CSMD1: variants seen among roughly 807,000 people sequenced by gnomAD.
The protein encoded by CSMD1 is CUB and sushi domain-containing protein 1.
In CSMD1, 213 loss-of-function variants were observed where a neutral mutation model predicts 417.5. That is an observed-to-expected ratio of 0.51 (90% CI 0.46 to 0.57). The LOEUF is 0.57. CSMD1 is among the 20% of genes least tolerant of loss of function. The pLI is 0.00. For missense variants in CSMD1, 6,923 were observed against 4,529.7 expected (o/e 1.53, Z -15.17); for synonymous variants, 2,862 against 1,736.8 (o/e 1.65, Z -16.11).
Position 3,280,367 on chromosome 8 carries a change from C to T in CSMD1, c.4153+3777G>A, listed in dbSNP as rs560174257. Among the ~76,000 whole-genome samples, 3 of 152,252 alleles carry T rather than the reference C, an allele frequency of 2.0e-5. No homozygotes were observed. The East Asian group carries it at 5.8e-4, about 29-fold the overall frequency. On this transcript the variant is annotated intron_variant, in intron 26 of 69. Transcript: ENST00000635120. ...AGGTCAGTCTCAAAGCATTAGAGGT[C>T]AAGATAGAAACTCACATTTCCAGAG...
In CSMD1 at chr8:3,713,996, A is replaced by C. The variant is rs1196647876; in HGVS notation, c.932-5505T>G. Among the ~76,000 whole-genome samples, 6 of 151,830 alleles carry C rather than the reference A, an allele frequency of 4.0e-5. No homozygotes were observed. The East Asian group carries it at 1.2e-3, about 30-fold the overall frequency. On this transcript the variant is annotated intron_variant, in intron 6 of 69. Coordinates refer to ENST00000635120, the MANE Select transcript of CSMD1 (RefSeq NM_033225.6). ...TAGCAATAATATTGAAATCTTTGTA[A>C]ATCCTTAGAATTGCAAGGGCTCACT...
At chr8:4,435,573 C>T (rs1239523460) in intron 2 of CSMD1, among the ~76,000 whole-genome samples, 2 of 152,188 alleles carry the variant, frequency 1.3e-5, no homozygotes, top group East Asian at 1.9e-4. Flanking sequence ...TGTCATGCTC[C>T]CTTCCAGGAA....
intron 1 of CSMD1, among the ~76,000 whole-genome samples, chr8:4,979,690 A>T (rs1290634843): frequency 6.6e-6 from 1 of 152,230 alleles, no homozygotes; most frequent in African/African-American, 2.4e-5. Flanking sequence ...GTTCTTCAGA[A>T]TTAAATATTC....
At chr8:4,503,611 G>C (rs1242414266) in intron 2 of CSMD1, among the ~76,000 whole-genome samples, 1 of 152,142 alleles carries the variant, frequency 6.6e-6, no homozygotes, top group African/African-American at 2.4e-5. Context: ...GACCCAGCCA[G>C]CTTGAGTAAT....
chr8:3,626,279 T>A (rs1049202473), intron 7 of CSMD1, among the ~76,000 whole-genome samples: 7 of 152,148 alleles, frequency 4.6e-5, no homozygotes, highest in African/African-American at 1.7e-4. Flanking sequence ...TTCTGCACAT[T>A]TAAGAACTCT....
At chr8:3,534,147 C>G (rs1318681782) in intron 10 of CSMD1, among the ~76,000 whole-genome samples, 2 of 152,174 alleles carry the variant, frequency 1.3e-5, no homozygotes, top group African/African-American at 2.4e-5. Context: ...TGTGAAATAA[C>G]AAATACCCTT....
At chr8:4,297,360 TA>T (rs2128871120) in intron 3 of CSMD1, among the ~76,000 whole-genome samples, 1 of 152,048 alleles carries the variant, frequency 6.6e-6, no homozygotes, top group South Asian at 2.1e-4. Flanking sequence ...AAACAAAAGA[TA>T]AAAGATGCAG....
At chr8:3,197,040 T>G (rs1385956497) in intron 33 of CSMD1, among the ~76,000 whole-genome samples, 1 of 152,088 alleles carries the variant, frequency 6.6e-6, no homozygotes, top group Admixed American at 6.5e-5. Flanking sequence ...TCAAGAAGTG[T>G]GGAAAACACA....
intron 5 of CSMD1, among the ~76,000 whole-genome samples, chr8:3,997,131 G>C (rs1387764300): frequency 6.6e-6 from 1 of 152,104 alleles, no homozygotes; most frequent in East Asian, 1.9e-4. Context: ...AAAGTGTTCA[G>C]GTTTAAAATA....
At chr8:3,773,134 G>C (rs931634726) in intron 5 of CSMD1, among the ~76,000 whole-genome samples, 2 of 152,146 alleles carry the variant, frequency 1.3e-5, no homozygotes, top group African/African-American at 4.8e-5. Flanking sequence ...TCTTCGCCAA[G>C]TCTCCACCTT....
chr8:4,671,320 T>C (rs1301725072), intron 1 of CSMD1, among the ~76,000 whole-genome samples: 4 of 152,176 alleles, frequency 2.6e-5, no homozygotes, highest in Non-Finnish European at 2.9e-5. Context: ...AATTCTTTAT[T>C]CTTGTTTTTT....
At chr8:4,491,646 A>C (rs2130216393) in intron 2 of CSMD1, among the ~76,000 whole-genome samples, 1 of 152,282 alleles carries the variant, frequency 6.6e-6, no homozygotes, top group South Asian at 2.1e-4. Flanking sequence ...AAGATGCTCA[A>C]CCTCATGTCC....
At chr8:3,318,951 C>T (rs2117465680) in intron 23 of CSMD1, among the ~76,000 whole-genome samples, 1 of 152,280 alleles carries the variant, frequency 6.6e-6, no homozygotes, top group East Asian at 1.9e-4. Flanking sequence ...AACATACAAA[C>T]ACACACACAT....
intron 30 of CSMD1, among the ~76,000 whole-genome samples, chr8:3,207,297 G>A (rs1895568): frequency 0.93 from 138,525 of 149,612 alleles, 64,375 homozygotes; most frequent in Non-Finnish European, 0.96. Context: ...CTCGGCGCCC[G>A]CCAACACACC....
chr8:4,985,304 C>G (rs1045839327), intron 1 of CSMD1, among the ~76,000 whole-genome samples: 1 of 151,938 alleles, frequency 6.6e-6, no homozygotes, highest in Admixed American at 6.6e-5. Flanking sequence ...GTACAACAAC[C>G]CCCCATGACA....
chr8:4,914,998 C>T (rs932157917), intron 1 of CSMD1, among the ~76,000 whole-genome samples: 3 of 152,058 alleles, frequency 2.0e-5, no homozygotes, highest in African/African-American at 7.3e-5. Context: ...CAATAGCTAC[C>T]GTATTTAATT....
chr8:3,300,958 CAA>C (rs374180480), intron 25 of CSMD1, among the ~76,000 whole-genome samples: 20 of 50,594 alleles, frequency 4.0e-4, no homozygotes, highest in South Asian at 1.2e-3. Flanking sequence ...GACTCTGTCT[CAA>C]AAAAAAAAAA....
rs147781906 is a variant in CSMD1 at position 4,430,282 on chromosome 8, G to C, written c.303-10217C>G. 2.2e-3 allele frequency among the ~76,000 whole-genome samples: 341 copies of C among 152,142 alleles called. 1 individual carries two copies. Among genetic ancestry groups the C allele is most frequent in the African/African-American group, 7.5e-3 (311 of 41,500 alleles). ...TTCTAAAATCACATCTTATGTTTTG[G>C]TGCTGAAAAAATATTGCAGTTAAAC... On this transcript the variant is annotated intron_variant, in intron 2 of 69. Transcript: ENST00000635120.
Position 4,771,137 on chromosome 8 carries a change from T to C in CSMD1, c.86-133579A>G, listed in dbSNP as rs1282722218. 2.0e-5 allele frequency among the ~76,000 whole-genome samples: 3 copies of C among 152,222 alleles called. No homozygotes were observed. In the East Asian group the frequency reaches 5.8e-4, roughly 29 times the overall value. On this transcript the variant is annotated intron_variant, in intron 1 of 69. Transcript: ENST00000635120. Reference sequence around the variant, plus strand: ...AACCTCATGTTAAAATTGGTGAAGATATGATTCAGTTTAAACACACATTAC... The same window carrying C: ...AACCTCATGTTAAAATTGGTGAAGACATGATTCAGTTTAAACACACATTAC...
Sources: allele counts gnomAD v4.1 joint callset (sites outside exome capture counted in the v4.1 genomes callset), GRCh38; gene constraint gnomAD v4.1.1; transcripts MANE v1.5; gene names NCBI Gene and HGNC (gene_info 2026-07-23, HGNC 2026-07-21).